HHLA1: variants seen among roughly 807,000 people sequenced by gnomAD.
HHLA1 encodes the protein HHLA1 neighbor of OC90, also known as HERV-H LTR-associating protein 1.
HHLA1 carries 72 observed loss-of-function variants against 69.9 expected under a neutral mutation model. That is an observed-to-expected ratio of 1.03 (90% confidence interval 0.85 to 1.25). HHLA1 has a LOEUF of 1.25. Among genes scored for constraint, HHLA1 ranks in the 50% most tolerant of loss-of-function variants. The pLI is 0.00. For missense variants in HHLA1, 685 were observed against 642.2 expected (o/e 1.07, Z -0.72); for synonymous variants, 252 against 233.2 (o/e 1.08, Z -0.73).
At chr8:132,089,165 C>A (rs199894187) in intron 8 of HHLA1, among the ~76,000 whole-genome samples, 2 of 152,150 alleles carry the variant, frequency 1.3e-5, no homozygotes, top group South Asian at 4.1e-4. Flanking sequence ...AATTCTGGCA[C>A]CAAACTTAAG....
At chr8:132,103,218 C>G (rs1824141079) in intron 3 of HHLA1, among the ~76,000 whole-genome samples, 1 of 152,166 alleles carries the variant, frequency 6.6e-6, no homozygotes, top group Admixed American at 6.5e-5. Context: ...ACAATTGGTG[C>G]TTTCAGGAAA....
At chr8:132,102,854 A>G (rs1159199532) in intron 3 of HHLA1, among the ~76,000 whole-genome samples, 1 of 149,748 alleles carries the variant, frequency 6.7e-6, no homozygotes, top group African/African-American at 2.5e-5. Context: ...GAATATTTCT[A>G]CCACTCCTTG....
At chr8:132,078,543 C>T (rs1823686078) in intron 11 of HHLA1, among the ~76,000 whole-genome samples, 1 of 152,164 alleles carries the variant, frequency 6.6e-6, no homozygotes, top group African/African-American at 2.4e-5. Flanking sequence ...TCTACACCAC[C>T]CAGTCATCCT....
At position 132,095,736 on chromosome 8, in the gene HHLA1, C is replaced by T. The variant is rs1032428923; in HGVS notation, c.331G>A (p.Ala111Thr). 5.4e-5 allele frequency: 83 copies of T among 1,550,922 alleles called. No individual in the cohort carries two copies. Among genetic ancestry groups the T allele is most frequent in the Admixed American group, 9.8e-5 (5 of 50,908 alleles). The change falls in exon 6 of 17, where the codon GCC (alanine) becomes ACC (threonine). Residue 111 changes from alanine (A) to threonine (T), a missense_variant. Transcript: ENST00000414222. ...LLSVTSYSSF[A>T]FHKFSVAVYN... ...ACAGCTACAGAAAACTTGTGGAAGGCGAAGGAACTGTAGGAAGTGACACTC... is the reference window on the plus strand; with the variant it reads ...ACAGCTACAGAAAACTTGTGGAAGGTGAAGGAACTGTAGGAAGTGACACTC...
intron 11 of HHLA1, among the ~76,000 whole-genome samples, chr8:132,079,037 T>A (rs2130883004): frequency 6.6e-6 from 1 of 152,374 alleles, no homozygotes; most frequent in Admixed American, 6.5e-5. Context: ...TCATTTAACA[T>A]TAGGTATATC....
Position 132,092,643 on chromosome 8 carries a change from A to G in HHLA1, c.448+2876T>C, listed in dbSNP as rs377740039. ...TGCCTGCTTCTACTTCCCCTCTGCC[A>G]TGATTGTAAGTTTCCTGAGGTCTCC... is the stretch of plus-strand genomic sequence containing the variant. On this transcript the variant is annotated intron_variant, in intron 7 of 16. Coordinates refer to ENST00000414222, the MANE Select transcript of HHLA1 (RefSeq NM_001145095.3). Among the ~76,000 whole-genome samples the G allele has an allele frequency of 3.8e-4, 58 of 152,210 alleles. No homozygotes were observed. The East Asian group carries it at 7.9e-3, about 21-fold the overall frequency.
At chr8:132,071,515 C>G (rs961193156) in intron 14 of HHLA1, 22 bp from the exon 15 acceptor site, 22 of 1,549,420 alleles carry the variant, frequency 1.4e-5, no homozygotes, top group Non-Finnish European at 1.7e-5. Flanking sequence ...AATCCCAGAC[C>G]AATTAAATCA....
chr8:132,071,265 G>A (rs1038973027), intron 15 of HHLA1, 75 bp downstream of exon 15: 1 of 1,356,706 alleles, frequency 7.4e-7, no homozygotes, highest in Admixed American at 2.2e-5. Flanking sequence ...ACTGCCTTGT[G>A]GCCTGCAGAA....
At chr8:132,096,430 A>G (rs1330319419) in intron 5 of HHLA1, among the ~76,000 whole-genome samples, 3 of 152,238 alleles carry the variant, frequency 2.0e-5, no homozygotes, top group Non-Finnish European at 4.4e-5. Context: ...CTCTTTTGAC[A>G]TATAAAGTAG....
At chr8:132,088,162 C>T (rs1293478376) in intron 8 of HHLA1, among the ~76,000 whole-genome samples, 1 of 152,126 alleles carries the variant, frequency 6.6e-6, no homozygotes, top group Non-Finnish European at 1.5e-5. Flanking sequence ...ACTAGCTATG[C>T]AAACATGAAT....
rs574905009 is a variant in HHLA1 at position 132,101,411 on chromosome 8, C to T, written c.140-1277G>A. On this transcript the variant is annotated intron_variant, in intron 3 of 16. Coordinates refer to ENST00000414222, the MANE Select transcript of HHLA1 (RefSeq NM_001145095.3). ...AATCCCCAAACTTGATTTGATGTAC[C>T]TAAATTTGATGTACCATATTGGGCT... The T allele has an allele frequency of 1.3e-4, 158 of 1,208,786 alleles. 1 individual carries two copies. The highest frequency in any genetic ancestry group is 1.7e-4 in the Non-Finnish European group (149 of 898,920). The allele number at this position is 1,208,786 out of a possible 1,614,324, so 74.9% of individuals were successfully genotyped here.
At chr8:132,073,412 A>G (rs1289768203) in intron 14 of HHLA1, among the ~76,000 whole-genome samples, 5 of 152,204 alleles carry the variant, frequency 3.3e-5, no homozygotes, top group Non-Finnish European at 7.3e-5. Flanking sequence ...ATTTCCATCA[A>G]TGTGCCCATG....
chr8:132,073,291 A>G (rs933577944), intron 14 of HHLA1, among the ~76,000 whole-genome samples: 1 of 152,126 alleles, frequency 6.6e-6, no homozygotes, highest in Non-Finnish European at 1.5e-5. Context: ...GAATATATTT[A>G]TTTAAGTGGA....
chr8:132,103,775 C>T (rs1338392886), intron 3 of HHLA1, among the ~76,000 whole-genome samples: 1 of 152,138 alleles, frequency 6.6e-6, no homozygotes, highest in Non-Finnish European at 1.5e-5. Context: ...ATGTAGTCAC[C>T]ATTGTACTGC....
Position 132,104,148 on chromosome 8 carries a change from T to G in HHLA1, c.99A>C (p.Glu33Asp). Residue 33 changes from glutamate (E) to aspartate (D), a missense_variant, in exon 3 of 17, where the codon GAA becomes GAC. Glu to Asp is a conservative substitution (Grantham distance 45). Transcript: ENST00000414222. ...AGGTCATTCCCTTCTCTTTCTTGGC[T>G]TCTCCTTTGATGCCAGACACTAAAG... The part of the protein sequence containing the change: ...LWNTVSGIKG[E>D]AKKEKGMTFL... 1 of 1,550,650 alleles carries G rather than the reference T, an allele frequency of 6.4e-7. No homozygotes were observed. The highest frequency in any genetic ancestry group is 8.7e-7 in the Non-Finnish European group (1 of 1,146,054).
At chr8:132,078,357 C>T (rs1823683890) in intron 11 of HHLA1, among the ~76,000 whole-genome samples, 1 of 152,028 alleles carries the variant, frequency 6.6e-6, no homozygotes. Flanking sequence ...ATTAGTTGTG[C>T]CTCTGTCTCC....
chr8:132,104,869 G>A (rs1824177737), intron 2 of HHLA1, among the ~76,000 whole-genome samples: 1 of 152,156 alleles, frequency 6.6e-6, no homozygotes, highest in African/African-American at 2.4e-5. Flanking sequence ...GATCACTCAG[G>A]CTGATTGGTG....
At position 132,079,727 on chromosome 8, in the gene HHLA1, G is replaced by C. The variant is rs1427335508; in HGVS notation, c.916C>G (p.Pro306Ala). The C allele has an allele frequency of 6.5e-7, 1 of 1,548,320 alleles. No homozygotes were observed. The highest frequency in any genetic ancestry group is 8.7e-7 in the Non-Finnish European group (1 of 1,145,566). Residue 306 changes from proline (P) to alanine (A), a missense_variant, in exon 11 of 17, where the codon CCA (proline) becomes GCA (alanine). Pro to Ala is a conservative substitution (Grantham distance 27). Transcript: ENST00000414222. Reference protein sequence around the residue: ...ATWFSASHTLPALATRRVART... With the variant: ...ATWFSASHTLAALATRRVART... Reference sequence around the variant, plus strand: ...TGAGAATGCATCTTACCCAAGGCTGGGAGAGTGTGGGAGGCACTGAACCAT... The same window carrying C: ...TGAGAATGCATCTTACCCAAGGCTGCGAGAGTGTGGGAGGCACTGAACCAT...
At chr8:132,083,531 GAGTC>G (rs1256072911) in intron 10 of HHLA1, among the ~76,000 whole-genome samples, 16 of 152,336 alleles carry the variant, frequency 1.1e-4, no homozygotes, top group African/African-American at 3.1e-4. Flanking sequence ...ATCTGGGAAG[GAGTC>G]AGTCAGAGAG....
Sources: allele counts gnomAD v4.1 joint callset (sites outside exome capture counted in the v4.1 genomes callset), GRCh38; gene constraint gnomAD v4.1.1; transcripts MANE v1.5; gene names NCBI Gene and HGNC (gene_info 2026-07-23, HGNC 2026-07-21).